Variants in CPSF4 observed in about 807,000 individuals in gnomAD.
The protein encoded by CPSF4 is cleavage and polyadenylation specific factor 4, also known as cleavage and polyadenylation specificity factor subunit 4.
A neutral mutation model predicts 37.7 loss-of-function variants in CPSF4; 11 were observed. That is an observed-to-expected ratio of 0.29 (90% CI 0.18 to 0.48). The LOEUF (loss-of-function observed/expected upper bound fraction) is 0.48. Ranked by LOEUF, CPSF4 falls within the 20% of genes least tolerant of loss-of-function variation. CPSF4 has a pLI of 0.99. For synonymous variants in CPSF4, 132 were observed against 135.9 expected (o/e 0.97, Z 0.20); for missense variants, 144 against 359.5 (o/e 0.40, Z 4.85).
In CPSF4 at chr7:99,448,659, G is replaced by T. The variant is rs1797717608; in HGVS notation, c.307+386G>T. ...GCTCTTTCAATCACTCGGATTTGAG[G>T]CTAACGAGGGTGACCCGGAAGCAGC... On this transcript the variant is annotated intron_variant, in intron 3 of 7. Transcript: ENST00000292476. The surrounding 1 kb of genome is among the most constrained non-coding windows in gnomAD (Gnocchi z 4.4). The T allele has an allele frequency of 1.2e-5, 2 of 162,548 alleles. No homozygotes were observed. The highest frequency in any genetic ancestry group is 4.8e-5 in the African/African-American group (2 of 41,626). 10.1% of individuals were successfully genotyped at this position (162,548 alleles called of 1,614,324 possible). A position where few individuals can be genotyped will look rare whatever the true frequency, so the allele number is the denominator to read the frequency against.
intron 1 of CPSF4, among the ~76,000 whole-genome samples, chr7:99,440,169 G>T (rs1178837292): frequency 6.6e-6 from 1 of 152,144 alleles, no homozygotes; most frequent in African/African-American, 2.4e-5. Context: ...GCGGGGGAAG[G>T]GACTTGCTGA....
At chr7:99,449,253 A>G (rs1416194765) in intron 3 of CPSF4, 2 of 152,306 alleles carry the variant, frequency 1.3e-5, no homozygotes, top group Non-Finnish European at 2.9e-5. Flanking sequence ...CTGGCTTATC[A>G]ATGAGAGCTG....
chr7:99,443,643 G>A, intron 1 of CPSF4: 4 of 489,474 alleles, frequency 8.2e-6, no homozygotes, highest in South Asian at 4.3e-5. Context: ...TGTGGGCCAG[G>A]TGTGGTGGCT....
chr7:99,442,857 G>A, intron 1 of CPSF4: 9 of 1,044,430 alleles, frequency 8.6e-6, no homozygotes, highest in Non-Finnish European at 1.4e-5. Context: ...AAACACTGGA[G>A]AACAGAAAGT....
At chr7:99,444,663 T>C in intron 1 of CPSF4, 126 bp from the exon 2 acceptor site, 1 of 876,792 alleles carries the variant, frequency 1.1e-6, no homozygotes, top group Non-Finnish European at 1.8e-6. Flanking sequence ...TTTTTGCTAC[T>C]TTATTTCCTG....
chr7:99,441,360 G>A, intron 1 of CPSF4: 3 of 455,704 alleles, frequency 6.6e-6, no homozygotes, highest in Non-Finnish European at 1.3e-5. Context: ...AGCCTGTGAG[G>A]GGAGGTACAG....
At chr7:99,452,305 T>C in intron 5 of CPSF4, 63 bp from the exon 6 acceptor site, 1 of 1,389,658 alleles carries the variant, frequency 7.2e-7, no homozygotes, top group Non-Finnish European at 1.0e-6. Flanking sequence ...GCCTGGCTTC[T>C]CTTCTCATCC....
Position 99,439,013 on chromosome 7 carries a change from C to T in CPSF4, c.-70C>T. 5 of 1,448,662 alleles carry T rather than the reference C, an allele frequency of 3.5e-6. No homozygotes were observed. The highest frequency in any genetic ancestry group is 4.6e-6 in the Non-Finnish European group (5 of 1,089,408). The allele number at this position is 1,448,662 out of a possible 1,614,324, so 89.7% of individuals were successfully genotyped here. ...GGAGGAGTGTGTGCGGCGGGGCCGG[C>T]GGCGGGTAAAGGCGAGAAGGCTGCA... On this transcript the variant is annotated 5_prime_UTR_variant, in exon 1 of 8. Coordinates refer to ENST00000292476, the MANE Select transcript of CPSF4 (RefSeq NM_006693.4).
chr7:99,440,674 A>ATATATATATATATTTT, intron 1 of CPSF4, among the ~76,000 whole-genome samples: 2 of 88,082 alleles, frequency 2.3e-5, no homozygotes, highest in African/African-American at 1.9e-4. Flanking sequence ...ATATATATAT[A>ATATATATATATATTTT]TTTTTTTTTT....
At chr7:99,446,553 G>A (rs1017038288) in intron 2 of CPSF4, among the ~76,000 whole-genome samples, 20 of 151,502 alleles carry the variant, frequency 1.3e-4, no homozygotes, top group Non-Finnish European at 2.2e-4. Context: ...GAAGGGACAC[G>A]TCCCTCCATG....
Position 99,454,076 on chromosome 7 carries a change from T to C in CPSF4, c.681T>C (p.Ser227=). ...CGCAGGTCATCGGGGTCATGCAGAGTCAAAACAGCAGCGCGGGCAACCGGG... is the reference window on the plus strand; with the variant it reads ...CGCAGGTCATCGGGGTCATGCAGAGCCAAAACAGCAGCGCGGGCAACCGGG... ...RTPQVIGVMQ[S]QNSSAGNRGP... is the part of the protein sequence containing the mutation. Residue 227 remains serine (S), a synonymous_variant, in exon 7 of 8, where the codon AGT becomes AGC. Coordinates refer to ENST00000292476, the MANE Select transcript of CPSF4 (RefSeq NM_006693.4). The C allele has an allele frequency of 6.2e-7, 1 of 1,614,056 alleles. No individual in the cohort carries two copies.
intron 3 of CPSF4, chr7:99,449,302 T>C (rs1402997956): frequency 6.6e-6 from 1 of 152,272 alleles, no homozygotes; most frequent in Non-Finnish European, 1.5e-5. Flanking sequence ...TGAGAAGAAA[T>C]AGGACCCAAG....
rs753863940 is a variant in CPSF4, at chr7:99,439,180, T to TGGACAGTGAGCGCGGGGCCC, written c.101_103+17dup. 8.7e-6 allele frequency: 14 copies of TGGACAGTGAGCGCGGGGCCC among 1,601,636 alleles called. No homozygotes were observed. In the South Asian group the frequency reaches 1.6e-4, roughly 18 times the overall value. ...GCGCAGCCGCTGCCCTTCCCCGGCA[T>TGGACAGTGAGCGCGGGGCCC]GGACAGTGAGCGCGGGGCCCGGGCG... On this transcript the variant is annotated frameshift_variant, in exon 1 of 8. Transcript: ENST00000292476. LOFTEE classifies it high-confidence loss of function.
rs1310465177 is a variant in CPSF4 at position 99,453,148 on chromosome 7, AGGCAGG to A, written c.570+710_570+715del. 6.6e-6 allele frequency: 1 copy of A among 152,534 alleles called. No individual in the cohort carries two copies. The highest frequency in any genetic ancestry group is 1.5e-5 in the Non-Finnish European group (1 of 68,320). 9.4% of individuals were successfully genotyped at this position (152,534 alleles called of 1,614,324 possible). On this transcript the variant is annotated intron_variant, in intron 6 of 7. Coordinates refer to ENST00000292476, the MANE Select transcript of CPSF4 (RefSeq NM_006693.4). The surrounding 1 kb of genome is among the most constrained non-coding windows in gnomAD (Gnocchi z 4.7). ...GAGCCAAGAGGAAGGGCTGGCGTCAAGGCAGGGCGGGCATCAGGCAGGGTTCCCAAC... is the reference window on the plus strand; with the variant it reads ...GAGCCAAGAGGAAGGGCTGGCGTCAAGCGGGCATCAGGCAGGGTTCCCAAC...
At chr7:99,450,444 G>A in intron 4 of CPSF4, 73 bp downstream of exon 4, 1 of 1,090,896 alleles carries the variant, frequency 9.2e-7, no homozygotes, top group Non-Finnish European at 1.4e-6. Flanking sequence ...CCTGGAGGCT[G>A]CCAGCTGGTC....
At chr7:99,447,487 G>A (rs1038026593) in intron 2 of CPSF4, among the ~76,000 whole-genome samples, 14 of 151,508 alleles carry the variant, frequency 9.2e-5, no homozygotes, top group Admixed American at 8.5e-4. Flanking sequence ...AGCCAGGCTG[G>A]TCTCGAACTC....
intron 2 of CPSF4, among the ~76,000 whole-genome samples, chr7:99,445,139 T>C (rs777931686): frequency 1.3e-5 from 2 of 152,220 alleles, no homozygotes; most frequent in Non-Finnish European, 2.9e-5. Flanking sequence ...ACTTTCTCAA[T>C]GTCACAGAGT....
chr7:99,443,507 C>T (rs1305413339), intron 1 of CPSF4: 2 of 752,676 alleles, frequency 2.7e-6, no homozygotes, highest in Non-Finnish European at 4.8e-6. Context: ...CTTGTTACCC[C>T]TCCGGGTGTG....
intron 1 of CPSF4, chr7:99,439,452 T>C (rs1317497195): frequency 2.7e-6 from 1 of 365,090 alleles, no homozygotes; most frequent in Non-Finnish European, 4.9e-6. Flanking sequence ...TGAGACCTCC[T>C]CTTCTGGATC....
Sources: allele counts gnomAD v4.1 joint callset (sites outside exome capture counted in the v4.1 genomes callset), GRCh38; gene constraint gnomAD v4.1.1; non-coding constraint Gnocchi (gnomAD v3.1); transcripts MANE v1.5; gene names NCBI Gene and HGNC (gene_info 2026-07-23, HGNC 2026-07-21).